Variants in ATRN observed in about 807,000 individuals in gnomAD.
ATRN encodes the protein attractin.
Under a neutral mutation model 178.7 loss-of-function variants are expected in ATRN, and 54 were observed. The observed-to-expected ratio is 0.30, with a 90% CI of 0.24 to 0.38. ATRN has a LOEUF of 0.38. Among genes scored for constraint, ATRN ranks in the 10% least tolerant of loss-of-function variants. The pLI, the probability that ATRN is intolerant of heterozygous loss-of-function variation, is 1.00. For synonymous variants in ATRN, 636 were observed against 663.0 expected (o/e 0.96, Z 0.63); for missense variants, 1,443 against 1,815.1 (o/e 0.79, Z 3.73).
intron 11 of ATRN, among the ~76,000 whole-genome samples, chr20:3,571,386 T>C (rs1383514438): frequency 6.6e-6 from 1 of 152,218 alleles, no homozygotes; most frequent in African/African-American, 2.4e-5. Context: ...TGCTATTCTA[T>C]CTTTGTGCTA....
chr20:3,533,895 C>T (rs1020001101), intron 1 of ATRN, among the ~76,000 whole-genome samples: 7 of 152,130 alleles, frequency 4.6e-5, no homozygotes, highest in African/African-American at 1.7e-4. Flanking sequence ...TGGCCTCAAG[C>T]AGTCCTCCTG....
intron 1 of ATRN, among the ~76,000 whole-genome samples, chr20:3,519,637 A>G (rs1437172360): frequency 6.6e-6 from 1 of 152,218 alleles, no homozygotes; most frequent in Non-Finnish European, 1.5e-5. Context: ...TACAGTGTAC[A>G]CTGCTTGAAT....
intron 1 of ATRN, among the ~76,000 whole-genome samples, chr20:3,486,751 CTCTTTT>C (rs1452769269): frequency 1.3e-5 from 2 of 152,092 alleles, no homozygotes; most frequent in Non-Finnish European, 2.9e-5. Context: ...CTTTCCCTTT[CTCTTTT>C]GGTTGATTGT....
At chr20:3,490,607 G>T in intron 1 of ATRN, 1 of 1,019,578 alleles carries the variant, frequency 9.8e-7, no homozygotes, top group South Asian at 1.3e-5. Flanking sequence ...TCGAGGTAAC[G>T]ACCATATCCC....
intron 1 of ATRN, among the ~76,000 whole-genome samples, chr20:3,534,029 C>T (rs952635043): frequency 6.6e-6 from 1 of 151,918 alleles, no homozygotes; most frequent in South Asian, 2.1e-4. Flanking sequence ...TGATTGGCTT[C>T]GACTAACATT....
At chr20:3,577,738 T>C (rs1352069919) in intron 14 of ATRN, among the ~76,000 whole-genome samples, 2 of 152,182 alleles carry the variant, frequency 1.3e-5, no homozygotes, top group Non-Finnish European at 2.9e-5. Flanking sequence ...CTGGGAATCT[T>C]GCGAAAGGCA....
chr20:3,623,336 T>C (rs1169671577), intron 24 of ATRN, among the ~76,000 whole-genome samples: 1 of 152,246 alleles, frequency 6.6e-6, no homozygotes, highest in Non-Finnish European at 1.5e-5. Flanking sequence ...TTTGTATTTC[T>C]GATTATAAAT....
rs750792769 is a variant in ATRN, at chr20:3,645,886, C to CT, written c.4166-837_4166-836insT. Among the ~76,000 whole-genome samples the CT allele has an allele frequency of 5.1e-4, 78 of 152,268 alleles. 1 individual carries two copies. Among genetic ancestry groups the CT allele is most frequent in the Non-Finnish European group, 6.3e-4 (43 of 68,028 alleles). ...ACGTATATTAGGAATCCAGCTCCCC[C>CT]AGAACCGTGCCTTCCCTAATGGATG... On this transcript the variant is annotated intron_variant, in intron 28 of 28. Coordinates refer to ENST00000262919, the MANE Select transcript of ATRN (RefSeq NM_139321.3). The surrounding 1 kb of genome is among the most constrained non-coding windows in gnomAD (Gnocchi z 4.7).
At chr20:3,487,355 C>T (rs1360810442) in intron 1 of ATRN, among the ~76,000 whole-genome samples, 2 of 152,086 alleles carry the variant, frequency 1.3e-5, no homozygotes, top group Admixed American at 6.6e-5. Context: ...ACCTTAGCCT[C>T]GCGAGTAGCT....
At position 3,650,486 on chromosome 20, in the gene ATRN, G is replaced by A. The variant is rs1320881530; in HGVS notation, c.*3639G>A. On this transcript the variant is annotated 3_prime_UTR_variant, in exon 29 of 29. Transcript: ENST00000262919. ...GCCATCCTGAGGACACAGCCAGGAC[G>A]GCAGAGGCCTCCTGGCCTCAGGGCA... The A allele has an allele frequency of 6.6e-6, 1 of 152,426 alleles. No homozygotes were observed. Among genetic ancestry groups the A allele is most frequent in the African/African-American group, 2.4e-5 (1 of 41,424 alleles). 9.4% of individuals were successfully genotyped at this position (152,426 alleles called of 1,614,324 possible).
intron 6 of ATRN, among the ~76,000 whole-genome samples, chr20:3,554,303 A>ATTT (rs1485219395): frequency 3.6e-5 from 4 of 111,092 alleles, no homozygotes; most frequent in African/African-American, 1.3e-4. Context: ...TAGATTACAG[A>ATTT]TTTTTATTTA....
chr20:3,509,309 C>T (rs1406356744), intron 1 of ATRN, among the ~76,000 whole-genome samples: 1 of 152,006 alleles, frequency 6.6e-6, no homozygotes, highest in Non-Finnish European at 1.5e-5. Context: ...CACTCTTAAC[C>T]CACAGACAGC....
At chr20:3,621,207 G>A (rs907916342) in intron 24 of ATRN, among the ~76,000 whole-genome samples, 1 of 152,124 alleles carries the variant, frequency 6.6e-6, no homozygotes, top group Non-Finnish European at 1.5e-5. Flanking sequence ...GCTTAAAAAC[G>A]GAGGCAGTGA....
At position 3,584,840 on chromosome 20, in the gene ATRN, A is replaced by G. The variant is rs2086335064; in HGVS notation, c.3144A>G (p.Leu1048=). The G allele has an allele frequency of 1.2e-6, 2 of 1,614,232 alleles. No homozygotes were observed. The highest frequency in any genetic ancestry group is 2.2e-5 in the South Asian group (2 of 91,084). The change falls in exon 18 of 29, where the codon CTA becomes CTG. Residue 1048 remains leucine, a synonymous_variant. Coordinates refer to ENST00000262919, the MANE Select transcript of ATRN (RefSeq NM_139321.3). ...PQPLLNSSMC[L]EDSRYNWSFI... is the part of the protein sequence containing the mutation. ...CCCTGCTCAATTCCAGCATGTGTCT[A>G]GAGGACAGCAGATACAACTGGTCTT...
chr20:3,481,806 T>C (rs1014226457), intron 1 of ATRN, among the ~76,000 whole-genome samples: 4 of 149,676 alleles, frequency 2.7e-5, no homozygotes, highest in African/African-American at 9.7e-5. Context: ...TTTTTTTTTT[T>C]TTTTTTTAGA....
At chr20:3,617,847 G>A (rs1050290988) in intron 24 of ATRN, among the ~76,000 whole-genome samples, 1 of 152,140 alleles carries the variant, frequency 6.6e-6, no homozygotes, top group Non-Finnish European at 1.5e-5. Flanking sequence ...AGCATTGTAC[G>A]GGGGTTTTAC....
At chr20:3,629,054 C>A (rs2086969169) in intron 25 of ATRN, 1 of 985,182 alleles carries the variant, frequency 1.0e-6, no homozygotes, top group African/African-American at 1.7e-5. Context: ...TGGTTCCAAG[C>A]CACTTCTCTT....
At position 3,645,169 on chromosome 20, in the gene ATRN, C is replaced by A. The variant is rs6139175; in HGVS notation, c.4165+901C>A. On this transcript the variant is annotated intron_variant, in intron 28 of 28. Coordinates refer to ENST00000262919, the MANE Select transcript of ATRN (RefSeq NM_139321.3). The surrounding 1 kb of genome is among the most constrained non-coding windows in gnomAD (Gnocchi z 4.7). ...GAGATGATTCTGGAGTCAGGGTTAC[C>A]TTAGCCAGAGAGCACCCTGTGTCTG... Among the ~76,000 whole-genome samples the A allele has an allele frequency of 6.6e-6, 1 of 152,218 alleles. No homozygotes were observed. The highest frequency in any genetic ancestry group is 6.5e-5 in the Admixed American group (1 of 15,288).
At chr20:3,609,841 A>G (rs764620602) in intron 24 of ATRN, among the ~76,000 whole-genome samples, 8 of 152,156 alleles carry the variant, frequency 5.3e-5, no homozygotes, top group Non-Finnish European at 8.8e-5. Flanking sequence ...GCTAAGTGAA[A>G]TAAGCTAGTT....
Sources: allele counts gnomAD v4.1 joint callset (sites outside exome capture counted in the v4.1 genomes callset), GRCh38; gene constraint gnomAD v4.1.1; non-coding constraint Gnocchi (gnomAD v3.1); transcripts MANE v1.5; gene names NCBI Gene and HGNC (gene_info 2026-07-23, HGNC 2026-07-21).